Variants in SLC4A10 observed in about 807,000 individuals in gnomAD.
SLC4A10 encodes sodium-driven chloride bicarbonate exchanger.
Under a neutral mutation model 137.7 loss-of-function variants are expected in SLC4A10, and 42 were observed. That is an observed-to-expected ratio of 0.30 (90% CI 0.24 to 0.39). The LOEUF is 0.39. SLC4A10 is among the 10% of genes least tolerant of loss of function. The pLI is 1.00. For missense variants in SLC4A10, 925 were observed against 1,355.0 expected, an observed-to-expected ratio of 0.68 and a Z score of 4.98; for synonymous variants, 474 against 464.1, an observed-to-expected ratio of 1.02 and a Z score of -0.27.
chr2:161,658,565 A>G (rs918466051), intron 1 of SLC4A10, among the ~76,000 whole-genome samples: 1 of 139,210 alleles, frequency 7.2e-6, no homozygotes, highest in African/African-American at 2.6e-5. Context: ...AGTATACAAT[A>G]TTTTTACCAT....
intron 1 of SLC4A10, among the ~76,000 whole-genome samples, chr2:161,736,159 C>A (rs75149343): frequency 6.6e-6 from 1 of 151,676 alleles, no homozygotes; most frequent in Non-Finnish European, 1.5e-5. Flanking sequence ...GATGATTAAT[C>A]TTTTATTTAT....
intron 1 of SLC4A10, among the ~76,000 whole-genome samples, chr2:161,649,478 C>CCT (rs59325928): frequency 0.082 from 12,499 of 152,190 alleles, 583 homozygotes; most frequent in East Asian, 0.14. Flanking sequence ...CTGTGAATTG[C>CCT]CTGTTCATAG....
rs1005178475 is a variant in SLC4A10, at chr2:161,767,724, A to C, written c.49-3249A>C. On this transcript the variant is annotated intron_variant, in intron 1 of 26. Transcript: ENST00000446997. ...AGGCCCTGATAATGTCAACTAAAATATCATTCTTGAAAAGGATTTGGAATT... is the reference window on the plus strand; with the variant it reads ...AGGCCCTGATAATGTCAACTAAAATCTCATTCTTGAAAAGGATTTGGAATT... 2.0e-5 allele frequency among the ~76,000 whole-genome samples: 3 copies of C among 151,994 alleles called. No homozygotes were observed. In the South Asian group the frequency reaches 6.2e-4, roughly 31 times the overall value.
At chr2:161,820,614 A>G (rs956741231) in intron 3 of SLC4A10, among the ~76,000 whole-genome samples, 1 of 152,224 alleles carries the variant, frequency 6.6e-6, no homozygotes, top group Non-Finnish European at 1.5e-5. Context: ...TTTTTGATGT[A>G]GCTTCAGCCT....
At chr2:161,919,091 C>G (rs1441273308) in intron 15 of SLC4A10, among the ~76,000 whole-genome samples, 1 of 152,216 alleles carries the variant, frequency 6.6e-6, no homozygotes, top group African/African-American at 2.4e-5. Flanking sequence ...AGCCTGGGTG[C>G]TCTTGCAACC....
At chr2:161,890,976 G>T (rs893575182) in intron 10 of SLC4A10, among the ~76,000 whole-genome samples, 3 of 152,118 alleles carry the variant, frequency 2.0e-5, no homozygotes, top group Admixed American at 2.0e-4. Flanking sequence ...AGGAGCTCTT[G>T]TAAGGCAGGC....
chr2:161,887,191 T>C (rs1353118026), intron 10 of SLC4A10, among the ~76,000 whole-genome samples: 4 of 152,202 alleles, frequency 2.6e-5, no homozygotes, highest in Non-Finnish European at 5.9e-5. Context: ...CAGTCTATCA[T>C]TGATAGGCAT....
intron 2 of SLC4A10, among the ~76,000 whole-genome samples, chr2:161,782,792 G>A (rs1266042460): frequency 6.8e-6 from 1 of 147,784 alleles, no homozygotes; most frequent in African/African-American, 2.5e-5. Flanking sequence ...AACTTGCTGA[G>A]TCAGAGAAAC....
intron 10 of SLC4A10, among the ~76,000 whole-genome samples, chr2:161,892,019 G>T: frequency 6.6e-6 from 1 of 152,022 alleles, no homozygotes; most frequent in Non-Finnish European, 1.5e-5. Context: ...CAAAGAGAAG[G>T]TAGAAGAGGA....
chr2:161,685,357 G>A (rs2041269728), intron 1 of SLC4A10, among the ~76,000 whole-genome samples: 1 of 152,142 alleles, frequency 6.6e-6, no homozygotes, highest in Non-Finnish European at 1.5e-5. Context: ...TGTAATCCCA[G>A]CACTTTGGGA....
intron 21 of SLC4A10, among the ~76,000 whole-genome samples, chr2:161,962,482 C>A (rs1366658502): frequency 1.3e-5 from 2 of 152,126 alleles, no homozygotes; most frequent in Non-Finnish European, 2.9e-5. Flanking sequence ...ATTCCTACCT[C>A]TACCATGCAC....
intron 11 of SLC4A10, among the ~76,000 whole-genome samples, 152 bp from the exon 12 acceptor site, chr2:161,900,759 C>A (rs1486453868): frequency 1.3e-5 from 2 of 152,142 alleles, no homozygotes; most frequent in African/African-American, 4.8e-5. Context: ...GGCTAAATAA[C>A]TTCCTGGAGG....
At chr2:161,978,973 T>C (rs948459645) in intron 26 of SLC4A10, among the ~76,000 whole-genome samples, 5 of 152,212 alleles carry the variant, frequency 3.3e-5, no homozygotes, top group Non-Finnish European at 5.9e-5. Flanking sequence ...CTAGTACTTT[T>C]GAAGAAAATC....
intron 1 of SLC4A10, among the ~76,000 whole-genome samples, chr2:161,735,848 T>C (rs1253408090): frequency 1.3e-5 from 2 of 152,146 alleles, no homozygotes; most frequent in African/African-American, 4.8e-5. Context: ...ACTAAAAATA[T>C]AAGCTTACAG....
At chr2:161,802,538 T>G (rs911355557) in intron 2 of SLC4A10, among the ~76,000 whole-genome samples, 6 of 152,276 alleles carry the variant, frequency 3.9e-5, no homozygotes, top group Non-Finnish European at 7.4e-5. Flanking sequence ...TCTTACAATT[T>G]CAATTACATG....
intron 1 of SLC4A10, among the ~76,000 whole-genome samples, chr2:161,742,419 TTTTCTTTC>T (rs201458465): frequency 7.1e-6 from 1 of 140,518 alleles, no homozygotes; most frequent in Non-Finnish European, 1.5e-5. Context: ...TTCTTTTTTC[TTTTCTTTC>T]TTTCTTTCTT....
At chr2:161,711,566 G>T (rs1189193534) in intron 1 of SLC4A10, among the ~76,000 whole-genome samples, 2 of 151,778 alleles carry the variant, frequency 1.3e-5, no homozygotes, top group Admixed American at 6.6e-5. Context: ...GCTGAAAGTT[G>T]CAGGAAGGTG....
At chr2:161,894,869 G>A (rs746116259) in intron 11 of SLC4A10, 44 bp downstream of exon 11, 2 of 1,225,014 alleles carry the variant, frequency 1.6e-6, no homozygotes, top group Non-Finnish European at 2.1e-6. Context: ...ATTTTTTTTT[G>A]TCTTTTAAAT....
chr2:161,811,843 T>A (rs890321070), intron 3 of SLC4A10, among the ~76,000 whole-genome samples: 10 of 152,072 alleles, frequency 6.6e-5, no homozygotes. Flanking sequence ...TCTGGAAACT[T>A]ATGCCATTTC....
Sources: allele counts gnomAD v4.1 joint callset (sites outside exome capture counted in the v4.1 genomes callset), GRCh38; gene constraint gnomAD v4.1.1; transcripts MANE v1.5; gene names NCBI Gene and HGNC (gene_info 2026-07-23, HGNC 2026-07-21).